The following ZDHHC1 variants were observed in gnomAD, a reference collection of about 807,000 sequenced individuals.
ZDHHC1 encodes the protein palmitoyltransferase ZDHHC1.
ZDHHC1 carries 45 observed loss-of-function variants against 46.9 expected under a neutral mutation model. That is an observed-to-expected ratio of 0.96 (90% CI 0.76 to 1.23). The LOEUF (loss-of-function observed/expected upper bound fraction) is 1.23, where lower values mean the gene tolerates loss of function less well. ZDHHC1 is among the 50% of genes most tolerant of loss of function. The probability of loss-of-function intolerance (pLI) is 0.00; values close to 1 mark genes in which losing one functional copy is unlikely to be tolerated. For synonymous variants in ZDHHC1, 291 were observed against 286.0 expected (o/e 1.02, Z -0.18); for missense variants, 649 against 670.8 (o/e 0.97, Z 0.36).
intron 1 of ZDHHC1, among the ~76,000 whole-genome samples, chr16:67,413,299 T>C (rs2040780630): frequency 6.6e-6 from 1 of 152,178 alleles, no homozygotes; most frequent in African/African-American, 2.4e-5. Flanking sequence ...TCCCCCAGGA[T>C]CTGCTTTTGA....
At chr16:67,404,344 G>A (rs2040613700) in intron 3 of ZDHHC1, 1 of 208,136 alleles carries the variant, frequency 4.8e-6, no homozygotes, top group Non-Finnish European at 1.0e-5. Flanking sequence ...CACGTGGCGT[G>A]CACCAGCCTT....
At chr16:67,412,152 T>C (rs1250713750) in intron 1 of ZDHHC1, among the ~76,000 whole-genome samples, 1 of 151,504 alleles carries the variant, frequency 6.6e-6, no homozygotes, top group Non-Finnish European at 1.5e-5. Context: ...TGGATAGATA[T>C]CTACATTCCT....
chr16:67,399,007 G>A, intron 5 of ZDHHC1, 63 bp from the exon 6 acceptor site: 9 of 1,576,994 alleles, frequency 5.7e-6, no homozygotes, highest in African/African-American at 1.3e-5. Context: ...GCCCATAGGA[G>A]TTGGGGCTGT....
intron 1 of ZDHHC1, among the ~76,000 whole-genome samples, chr16:67,413,341 A>G (rs2040780936): frequency 6.6e-6 from 1 of 152,196 alleles, no homozygotes; most frequent in African/African-American, 2.4e-5. Flanking sequence ...ACAGATGCCC[A>G]GTTGAACTAC....
At position 67,406,280 on chromosome 16, in the gene ZDHHC1, G is replaced by A. The variant is rs756306844; in HGVS notation, c.172C>T (p.Leu58=). ...PHPLQIVAWL[L]YLFFAVIGFG... Reference sequence around the variant, plus strand: ...CCGATCACAGCAAAGAAGAGGTACAGCAGCCAGGCCACAATCTGGAGCGGG... The same window carrying A: ...CCGATCACAGCAAAGAAGAGGTACAACAGCCAGGCCACAATCTGGAGCGGG... Residue 58 remains leucine, a synonymous_variant, in exon 3 of 12, where the codon CTG becomes TTG. Coordinates refer to ENST00000565726, the MANE Select transcript of ZDHHC1 (RefSeq NM_001323627.2). The surrounding 1 kb of genome is among the most constrained non-coding windows in gnomAD (Gnocchi z 4.1). 5 of 1,610,554 alleles carry A rather than the reference G, an allele frequency of 3.1e-6. No individual in the cohort carries two copies. Among genetic ancestry groups the A allele is most frequent in the Middle Eastern group, 1.7e-4 (1 of 6,058 alleles).
intron 8 of ZDHHC1, among the ~76,000 whole-genome samples, chr16:67,397,222 C>T (rs954713266): frequency 3.3e-5 from 5 of 152,264 alleles, no homozygotes; most frequent in Non-Finnish European, 7.3e-5. Flanking sequence ...AGAGCCCGCC[C>T]TGCTTCAGTG....
chr16:67,407,469 C>A (rs2040682545), intron 2 of ZDHHC1, among the ~76,000 whole-genome samples: 1 of 152,170 alleles, frequency 6.6e-6, no homozygotes. Flanking sequence ...TGCCGCAGAC[C>A]CCGACTCAGT....
chr16:67,398,185 C>T, intron 8 of ZDHHC1, 27 bp downstream of exon 8: 3 of 1,588,850 alleles, frequency 1.9e-6, no homozygotes, highest in Non-Finnish European at 2.6e-6. Flanking sequence ...CACACCCAGG[C>T]CCCCTCCCAC....
chr16:67,405,279 A>T (rs150633579), intron 3 of ZDHHC1, among the ~76,000 whole-genome samples: 1 of 152,320 alleles, frequency 6.6e-6, no homozygotes, highest in African/African-American at 2.4e-5. Context: ...TGCTCCAGGT[A>T]GGAGCCTTCC....
chr16:67,394,679 G>C lies in ZDHHC1; in HGVS notation c.1380C>G (p.Pro460=). ...CGCTGCTCGGGCTCACGAAAACGGCGGGCGCACGCGCCTGCCGCGCCAGCG... is the reference window on the plus strand; with the variant it reads ...CGCTGCTCGGGCTCACGAAAACGGCCGGCGCACGCGCCTGCCGCGCCAGCG... The part of the protein sequence containing the change: ...QPTLARQARA[P]AVFVSPSSGE... Residue 460 remains proline (P), a synonymous_variant, in exon 12 of 12, where the codon CCC becomes CCG. Coordinates refer to ENST00000565726, the MANE Select transcript of ZDHHC1 (RefSeq NM_001323627.2). The C allele has an allele frequency of 8.0e-7, 1 of 1,254,138 alleles. No individual in the cohort carries two copies. The highest frequency in any genetic ancestry group is 3.0e-5 in the South Asian group (1 of 33,780). The allele number at this position is 1,254,138 out of a possible 1,614,324, so 77.7% of individuals were successfully genotyped here.
chr16:67,406,450 G>A lies in ZDHHC1; in HGVS notation c.10-8C>T, dbSNP rs1217875402. On this transcript the variant is annotated splice_polypyrimidine_tract_variant and splice_region_variant and intron_variant, in intron 2 of 11. Coordinates refer to ENST00000565726, the MANE Select transcript of ZDHHC1 (RefSeq NM_001323627.2). This position sits in a 1 kb window ranked among gnomAD's most constrained non-coding sequence, Gnocchi z 4.1. ...CTTGTTGCAGATGTTCATCTCCAGA[G>A]GGAGAAACAGTAGAGAGAGCATTAG... 11 of 1,517,844 alleles carry A rather than the reference G, an allele frequency of 7.2e-6. No homozygotes were observed. The highest frequency in any genetic ancestry group is 9.7e-6 in the Non-Finnish European group (11 of 1,131,278). The allele number at this position is 1,517,844 out of a possible 1,614,324, so 94.0% of individuals were successfully genotyped here.
chr16:67,409,873 T>A (rs1260999127), intron 1 of ZDHHC1, among the ~76,000 whole-genome samples: 1 of 152,036 alleles, frequency 6.6e-6, no homozygotes, highest in Non-Finnish European at 1.5e-5. Flanking sequence ...GCTTCTCTTC[T>A]GGGACCTGGA....
chr16:67,411,406 C>T (rs1322449581), intron 1 of ZDHHC1, among the ~76,000 whole-genome samples: 2 of 152,190 alleles, frequency 1.3e-5, no homozygotes, highest in Non-Finnish European at 2.9e-5. Context: ...GAGTAGAGCC[C>T]TTTTCTGGTT....
rs928378234 is a variant in ZDHHC1, at chr16:67,401,654, C to T, written c.253-522G>A. On this transcript the variant is annotated intron_variant, in intron 3 of 11. Transcript: ENST00000565726. This position sits in a 1 kb window ranked among gnomAD's most constrained non-coding sequence, Gnocchi z 4.6. ...GGAGAACCCCTTGCAGACACGGATT[C>T]GGACACTTGCTACCTCCCCTACCAA... is the stretch of plus-strand genomic sequence containing the variant. 3.3e-5 allele frequency among the ~76,000 whole-genome samples: 5 copies of T among 152,190 alleles called. No homozygotes were observed. The highest frequency in any genetic ancestry group is 7.3e-5 in the Non-Finnish European group (5 of 68,036).
chr16:67,400,320 G>A (rs1285308766), intron 4 of ZDHHC1, among the ~76,000 whole-genome samples: 2 of 152,184 alleles, frequency 1.3e-5, no homozygotes, highest in Non-Finnish European at 2.9e-5. Context: ...GCTCCAGAAG[G>A]GTGGAGAGGG....
Position 67,399,355 on chromosome 16 carries a change from C to T in ZDHHC1, c.530G>A (p.Arg177Gln), listed in dbSNP as rs2040500268. ...CCGCGTGCGGCCGGGCTGTCCTCACCGGTAGTTCCGCTCGCCCACACAGTT... is the reference window on the plus strand; with the variant it reads ...CCGCGTGCGGCCGGGCTGTCCTCACTGGTAGTTCCGCTCGCCCACACAGTT... ...LNNCVGERNY[R>Q]LFLHSVASAL... The change falls in exon 5 of 12, where the codon CGG (arginine) becomes CAG (glutamine). Residue 177 changes from arginine (R) to glutamine (Q), a missense_variant and splice_region_variant. Arg to Gln is a conservative substitution (Grantham distance 43, BLOSUM62 1). Coordinates refer to ENST00000565726, the MANE Select transcript of ZDHHC1 (RefSeq NM_001323627.2). 2 of 1,612,178 alleles carry T rather than the reference C, an allele frequency of 1.2e-6. No homozygotes were observed. Among genetic ancestry groups the T allele is most frequent in the Non-Finnish European group, 1.7e-6 (2 of 1,179,164 alleles).
intron 1 of ZDHHC1, among the ~76,000 whole-genome samples, chr16:67,414,196 A>C (rs1323491503): frequency 1.3e-5 from 2 of 152,232 alleles, no homozygotes; most frequent in East Asian, 3.8e-4. Context: ...TGACTGCAGG[A>C]GCCAGCCTTG....
At chr16:67,414,546 C>T (rs942812127) in intron 1 of ZDHHC1, among the ~76,000 whole-genome samples, 1 of 152,338 alleles carries the variant, frequency 6.6e-6, no homozygotes, top group Admixed American at 6.5e-5. Context: ...ATTTAGAATG[C>T]ACTTATTCTG....
At chr16:67,402,629 ATT>A (rs11402235) in intron 3 of ZDHHC1, among the ~76,000 whole-genome samples, 3 of 144,586 alleles carry the variant, frequency 2.1e-5, no homozygotes, top group Admixed American at 7.0e-5. Context: ...AAAACATGGA[ATT>A]TTTTTTTTTT....
Sources: allele counts gnomAD v4.1 joint callset (sites outside exome capture counted in the v4.1 genomes callset), GRCh38; gene constraint gnomAD v4.1.1; non-coding constraint Gnocchi (gnomAD v3.1); transcripts MANE v1.5; gene names NCBI Gene and HGNC (gene_info 2026-07-23, HGNC 2026-07-21).